Variants in FHIT observed in about 807,000 individuals in gnomAD.
The protein encoded by FHIT is bis(5'-adenosyl)-triphosphatase.
A neutral mutation model predicts 17.9 loss-of-function variants in FHIT; 19 were observed. That is an observed-to-expected ratio of 1.06 (90% CI 0.74 to 1.56). The LOEUF (loss-of-function observed/expected upper bound fraction) is 1.56. FHIT is among the 40% of genes most tolerant of loss of function. The pLI is 0.00. For synonymous variants in FHIT, 81 were observed against 69.7 expected (o/e 1.16, Z -0.81); for missense variants, 248 against 189.2 (o/e 1.31, Z -1.82).
At chr3:60,336,454 G>A (rs977128159) in intron 5 of FHIT, among the ~76,000 whole-genome samples, 5 of 152,128 alleles carry the variant, frequency 3.3e-5, no homozygotes, top group Admixed American at 2.0e-4. Flanking sequence ...TAGAACACTT[G>A]AACATAGCCC....
intron 5 of FHIT, among the ~76,000 whole-genome samples, chr3:60,526,528 G>A (rs1304097240): frequency 1.3e-5 from 2 of 152,098 alleles, no homozygotes; most frequent in Admixed American, 6.6e-5. Context: ...TACCGAAAAG[G>A]TGAAATAGTG....
chr3:61,204,545 G>C (rs527912948), intron 1 of FHIT, among the ~76,000 whole-genome samples: 9 of 152,256 alleles, frequency 5.9e-5, no homozygotes, highest in East Asian at 1.9e-4. Context: ...AGGAAAACAC[G>C]CTGAATAGAA....
At chr3:60,361,983 G>C (rs973915666) in intron 5 of FHIT, among the ~76,000 whole-genome samples, 4 of 152,084 alleles carry the variant, frequency 2.6e-5, no homozygotes, top group Non-Finnish European at 5.9e-5. Context: ...CTCAAGATGT[G>C]CAGCATCACA....
At chr3:60,074,112 G>A (rs1702902169) in intron 5 of FHIT, among the ~76,000 whole-genome samples, 1 of 152,052 alleles carries the variant, frequency 6.6e-6, no homozygotes, top group Non-Finnish European at 1.5e-5. Context: ...CTTGGAGGGT[G>A]ACAGACACAT....
rs187627274 is a variant in FHIT at position 60,791,291 on chromosome 3, C to T, written c.-18+30628G>A. The stretch of plus-strand genomic sequence containing the variant: ...AGAGAAAAAAAAAACATGAAAATCA[C>T]CAATGTATGCTCAATAAAGTATCTT... On this transcript the variant is annotated intron_variant, in intron 4 of 9. Transcript: ENST00000492590. Among the ~76,000 whole-genome samples the T allele has an allele frequency of 4.0e-4, 61 of 152,136 alleles. 1 individual carries two copies. The highest frequency in any genetic ancestry group is 1.3e-3 in the African/African-American group (53 of 41,530).
intron 9 of FHIT, 174 bp downstream of exon 9, chr3:59,752,039 ACTGGGAGG>A (rs1700937461): frequency 4.0e-6 from 2 of 494,588 alleles, no homozygotes; most frequent in Non-Finnish European, 7.1e-6. Context: ...GTTGGAAGAG[ACTGGGAGG>A]CTGGGAATAC....
intron 5 of FHIT, among the ~76,000 whole-genome samples, chr3:60,239,464 C>A (rs796577249): frequency 2.0e-5 from 3 of 152,254 alleles, no homozygotes; most frequent in African/African-American, 7.2e-5. Context: ...ACTCAGGGGG[C>A]TAAGGCAGGA....
intron 4 of FHIT, among the ~76,000 whole-genome samples, chr3:60,794,230 T>C (rs1427988318): frequency 6.6e-6 from 1 of 152,186 alleles, no homozygotes; most frequent in Non-Finnish European, 1.5e-5. Context: ...ATTGGACAAC[T>C]GTTCCACTGT....
intron 7 of FHIT, among the ~76,000 whole-genome samples, chr3:59,985,851 C>T (rs1400511161): frequency 7.2e-5 from 11 of 152,006 alleles, no homozygotes; most frequent in Admixed American, 7.2e-4. Flanking sequence ...TCATGACTGG[C>T]CTTCCAGAAC....
At chr3:59,895,334 T>G (rs1349420250) in intron 8 of FHIT, among the ~76,000 whole-genome samples, 1 of 152,208 alleles carries the variant, frequency 6.6e-6, no homozygotes, top group Non-Finnish European at 1.5e-5. Flanking sequence ...TTCCCAGTAC[T>G]TAGCAGGGGC....
chr3:60,425,909 G>T (rs979833938), intron 5 of FHIT, among the ~76,000 whole-genome samples: 1 of 152,116 alleles, frequency 6.6e-6, no homozygotes, highest in South Asian at 2.1e-4. Flanking sequence ...AAGTGTTATG[G>T]AAATATGTCC....
chr3:60,265,299 T>C (rs986457178), intron 5 of FHIT, among the ~76,000 whole-genome samples: 1 of 151,980 alleles, frequency 6.6e-6, no homozygotes, highest in South Asian at 2.1e-4. Context: ...AGCTCTGATA[T>C]CTTAAAACAT....
intron 5 of FHIT, among the ~76,000 whole-genome samples, chr3:60,520,111 T>C (rs2035303970): frequency 6.6e-6 from 1 of 152,236 alleles, no homozygotes; most frequent in African/African-American, 2.4e-5. Flanking sequence ...ATGTCCAGAC[T>C]GTGTTTGTGT....
At chr3:60,385,097 T>A (rs1700958536) in intron 5 of FHIT, among the ~76,000 whole-genome samples, 2 of 152,190 alleles carry the variant, frequency 1.3e-5, no homozygotes, top group African/African-American at 4.8e-5. Context: ...CAATATAGCA[T>A]TTGCTATATA....
chr3:60,005,933 C>G (rs1415043555), intron 7 of FHIT, among the ~76,000 whole-genome samples: 3 of 152,174 alleles, frequency 2.0e-5, no homozygotes, highest in Non-Finnish European at 2.9e-5. Context: ...CCTACAAGTG[C>G]TTCTTATCAC....
chr3:60,490,199 T>C (rs71313776), intron 5 of FHIT, among the ~76,000 whole-genome samples: 6,828 of 152,244 alleles, frequency 0.045, 161 homozygotes, highest in South Asian at 0.081. Context: ...AATCTTACAC[T>C]GTTTGTGTTT....
At chr3:60,582,181 G>A (rs1298028139) in intron 4 of FHIT, among the ~76,000 whole-genome samples, 1 of 151,958 alleles carries the variant, frequency 6.6e-6, no homozygotes, top group African/African-American at 2.4e-5. Flanking sequence ...GGGTGCAACC[G>A]AGACATCAGG....
chr3:60,699,541 T>C (rs974491324), intron 4 of FHIT, among the ~76,000 whole-genome samples: 1 of 152,152 alleles, frequency 6.6e-6, no homozygotes, highest in Non-Finnish European at 1.5e-5. Context: ...TTTCAAATGG[T>C]AATTTGTAAA....
At chr3:59,867,440 T>C (rs2106881363) in intron 8 of FHIT, among the ~76,000 whole-genome samples, 1 of 152,116 alleles carries the variant, frequency 6.6e-6, no homozygotes, top group South Asian at 2.1e-4. Flanking sequence ...AAGACAGAAA[T>C]TGCTCCCCTT....
Sources: allele counts gnomAD v4.1 joint callset (sites outside exome capture counted in the v4.1 genomes callset), GRCh38; gene constraint gnomAD v4.1.1; transcripts MANE v1.5; gene names NCBI Gene and HGNC (gene_info 2026-07-23, HGNC 2026-07-21).